Variants in SNAP25 observed in about 807,000 individuals in gnomAD.
The protein encoded by SNAP25 is synaptosomal-associated protein 25.
Under a neutral mutation model 28.7 loss-of-function variants are expected in SNAP25, and 3 were observed. The observed-to-expected ratio is 0.10, with a 90% CI of 0.05 to 0.27. SNAP25 has a LOEUF of 0.27. SNAP25 is among the 10% of genes least tolerant of loss of function. The pLI is 1.00. For missense variants in SNAP25, 117 were observed against 278.7 expected, an observed-to-expected ratio of 0.42 and a Z score of 4.13; for synonymous variants, 61 against 88.1, an observed-to-expected ratio of 0.69 and a Z score of 1.72.
chr20:10,289,645 A>G (rs893065108), intron 4 of SNAP25, among the ~76,000 whole-genome samples: 4 of 150,376 alleles, frequency 2.7e-5, no homozygotes, highest in African/African-American at 7.4e-5. Context: ...CTATATGTTC[A>G]TAAATGCTAA....
intron 1 of SNAP25, among the ~76,000 whole-genome samples, chr20:10,223,177 G>C (rs1329778726): frequency 6.6e-6 from 1 of 152,210 alleles, no homozygotes; most frequent in Non-Finnish European, 1.5e-5. Flanking sequence ...GGAATGGGTA[G>C]TATATCAGAT....
chr20:10,269,514 G>A (rs912328567), intron 1 of SNAP25, among the ~76,000 whole-genome samples: 7 of 152,238 alleles, frequency 4.6e-5, no homozygotes, highest in Non-Finnish European at 8.8e-5. Context: ...TATACCATGT[G>A]TGTCTATAGG....
At chr20:10,221,850 G>A (rs376455964) in intron 1 of SNAP25, among the ~76,000 whole-genome samples, 1 of 152,216 alleles carries the variant, frequency 6.6e-6, no homozygotes, top group Non-Finnish European at 1.5e-5. Context: ...AGCATAACAC[G>A]TAGGTTTTGA....
chr20:10,264,158 C>T (rs1384810319), intron 1 of SNAP25, among the ~76,000 whole-genome samples: 3 of 151,974 alleles, frequency 2.0e-5, no homozygotes, highest in Non-Finnish European at 2.9e-5. Flanking sequence ...CCAGGCCTCC[C>T]CAGACCCAGC....
intron 4 of SNAP25, among the ~76,000 whole-genome samples, chr20:10,287,282 A>G (rs1188123392): frequency 6.6e-6 from 1 of 152,120 alleles, no homozygotes; most frequent in Non-Finnish European, 1.5e-5. Flanking sequence ...TAATATCCAG[A>G]ATCTACAATG....
At position 10,277,742 on chromosome 20, in the gene SNAP25, AT is replaced by A. The variant is rs2063715256; in HGVS notation, c.114+20del. On this transcript the variant is annotated intron_variant, in intron 3 of 7. Transcript: ENST00000254976. ...GGTTGAAGAGGTAAGAAGTGACAGT[AT>A]TTTAAGATAAAGGAACAAATCCCTT... 1 of 1,611,838 alleles carries A rather than the reference AT, an allele frequency of 6.2e-7. No individual in the cohort carries two copies. Among genetic ancestry groups the A allele is most frequent in the Admixed American group, 1.7e-5 (1 of 59,994 alleles).
At chr20:10,302,677 T>C (rs1277027463) in intron 7 of SNAP25, among the ~76,000 whole-genome samples, 2 of 152,040 alleles carry the variant, frequency 1.3e-5, no homozygotes, top group African/African-American at 2.4e-5. Flanking sequence ...AATATAAAAA[T>C]TGGAATGGGA....
chr20:10,277,769 AT>A, intron 3 of SNAP25, 43 bp downstream of exon 3: 1 of 1,537,722 alleles, frequency 6.5e-7, no homozygotes, highest in Non-Finnish European at 9.0e-7. Context: ...CAAATCCCTT[AT>A]GCTGATACAT....
intron 5 of SNAP25, 37 bp from the exon 6 acceptor site, chr20:10,296,888 C>A (rs1205898179): frequency 6.2e-6 from 10 of 1,612,980 alleles, no homozygotes; most frequent in African/African-American, 1.3e-5. Flanking sequence ...TGCTCCTCCA[C>A]CCCTGTGCCT....
chr20:10,263,596 A>G (rs1318884335), intron 1 of SNAP25, among the ~76,000 whole-genome samples: 2 of 152,152 alleles, frequency 1.3e-5, no homozygotes, highest in Non-Finnish European at 2.9e-5. Context: ...CATTTTGTTT[A>G]GGGTATAACA....
At chr20:10,242,194 T>C (rs987125436) in intron 1 of SNAP25, among the ~76,000 whole-genome samples, 4 of 152,006 alleles carry the variant, frequency 2.6e-5, no homozygotes, top group African/African-American at 9.7e-5. Flanking sequence ...GTGAAACCTA[T>C]GTAAGAAAGT....
chr20:10,262,657 G>A (rs2063434897), intron 1 of SNAP25, among the ~76,000 whole-genome samples: 1 of 152,200 alleles, frequency 6.6e-6, no homozygotes. Context: ...CCCTTAGACA[G>A]GGATTTATGT....
intron 1 of SNAP25, among the ~76,000 whole-genome samples, chr20:10,245,272 T>A (rs1355105497): frequency 6.6e-6 from 1 of 152,212 alleles, no homozygotes; most frequent in Admixed American, 6.5e-5. Flanking sequence ...AATTTCTGAA[T>A]GTGCCCTTGG....
chr20:10,286,625 T>C (rs1013792002), intron 4 of SNAP25, among the ~76,000 whole-genome samples: 3 of 152,156 alleles, frequency 2.0e-5, no homozygotes, highest in African/African-American at 7.2e-5. Flanking sequence ...GCAGCCTACA[T>C]AGGTGCACAG....
In SNAP25 at chr20:10,293,318, G is replaced by A. The variant is rs527310350; in HGVS notation, c.281+40G>A. 3 of 1,508,202 alleles carry A rather than the reference G, an allele frequency of 2.0e-6. No individual in the cohort carries two copies. Among genetic ancestry groups the A allele is most frequent in the Non-Finnish European group, 2.8e-6 (3 of 1,084,094 alleles). The allele number at this position is 1,508,202 out of a possible 1,614,324, so 93.4% of individuals were successfully genotyped here. On this transcript the variant is annotated intron_variant, in intron 5 of 7. Coordinates refer to ENST00000254976, the MANE Select transcript of SNAP25 (RefSeq NM_130811.4). This position sits in a 1 kb window ranked among gnomAD's most constrained non-coding sequence, Gnocchi z 5.6. ...CCTGCCTGAAGCTTTGATTTCCCAAGGCCCATCTCCAAGCCTTGACAAGCT... is the reference window on the plus strand; with the variant it reads ...CCTGCCTGAAGCTTTGATTTCCCAAAGCCCATCTCCAAGCCTTGACAAGCT...
chr20:10,252,090 C>A (rs1207013453), intron 1 of SNAP25, among the ~76,000 whole-genome samples: 1 of 152,190 alleles, frequency 6.6e-6, no homozygotes, highest in Non-Finnish European at 1.5e-5. Flanking sequence ...CCCTGGTTTG[C>A]TCTTGGAAAC....
chr20:10,277,964 A>C (rs763725044), intron 3 of SNAP25: 3 of 378,676 alleles, frequency 7.9e-6, no homozygotes, highest in Non-Finnish European at 1.4e-5. Flanking sequence ...GGAAGCAGAG[A>C]ATAATAGAAT....
chr20:10,263,524 T>C (rs73075495), intron 1 of SNAP25, among the ~76,000 whole-genome samples: 3,931 of 152,282 alleles, frequency 0.026, 89 homozygotes, highest in Non-Finnish European at 0.041. Flanking sequence ...ATGAGAATGG[T>C]GGGAGTGGGG....
At chr20:10,221,411 C>T (rs2062631654) in intron 1 of SNAP25, among the ~76,000 whole-genome samples, 1 of 152,046 alleles carries the variant, frequency 6.6e-6, no homozygotes, top group South Asian at 2.1e-4. Flanking sequence ...ATATCATTGA[C>T]AAGCTTCCAG....
Sources: allele counts gnomAD v4.1 joint callset (sites outside exome capture counted in the v4.1 genomes callset), GRCh38; gene constraint gnomAD v4.1.1; non-coding constraint Gnocchi (gnomAD v3.1); transcripts MANE v1.5; gene names NCBI Gene and HGNC (gene_info 2026-07-23, HGNC 2026-07-21).